The following GLI3 variants were observed in gnomAD, a reference collection of about 807,000 sequenced individuals.
GLI3 encodes the protein GLI family zinc finger 3.
In GLI3, 20 loss-of-function variants were observed where a neutral mutation model predicts 100.8. The observed-to-expected ratio is 0.20, with a 90% CI of 0.14 to 0.29. The LOEUF (loss-of-function observed/expected upper bound fraction) is 0.29. Ranked by LOEUF, GLI3 falls within the 10% of genes least tolerant of loss-of-function variation. The pLI is 1.00. For missense variants in GLI3, 2,040 were observed against 2,128.5 expected (o/e 0.96, Z 0.82); for synonymous variants, 938 against 860.5 (o/e 1.09, Z -1.58).
At chr7:42,007,219 A>AT (rs1396816454) in intron 10 of GLI3, among the ~76,000 whole-genome samples, 2 of 54,300 alleles carry the variant, frequency 3.7e-5, no homozygotes, top group African/African-American at 6.4e-5. Context: ...TAAGGAGGAA[A>AT]TTTAAAAAAA....
At chr7:41,968,589 T>C (rs539336197) in intron 13 of GLI3, among the ~76,000 whole-genome samples, 2 of 151,954 alleles carry the variant, frequency 1.3e-5, no homozygotes, top group African/African-American at 2.4e-5. Flanking sequence ...ATTTTCTTGC[T>C]TTTGTAGAAC....
chr7:41,986,113 C>T (rs548575927), intron 10 of GLI3, among the ~76,000 whole-genome samples: 1 of 152,218 alleles, frequency 6.6e-6, no homozygotes, highest in Admixed American at 6.5e-5. Flanking sequence ...TGGGTACAAA[C>T]CAGCATTCTC....
At chr7:42,229,170 G>C (rs1171044116) in intron 1 of GLI3, among the ~76,000 whole-genome samples, 3 of 152,310 alleles carry the variant, frequency 2.0e-5, no homozygotes, top group South Asian at 2.1e-4. Context: ...CATCCTCCCT[G>C]AACAGCAGAC....
Position 42,189,971 on chromosome 7 carries a change from AACACACACACACACAC to A in GLI3, c.124+33143_124+33158del, listed in dbSNP as rs57107204. Among the ~76,000 whole-genome samples, 828 of 143,400 alleles carry A rather than the reference AACACACACACACACAC, an allele frequency of 5.8e-3. 2 individuals are homozygous for A. The highest frequency in any genetic ancestry group is 0.042 in the Middle Eastern group (12 of 284). The allele number at this position is 143,400 out of a possible 152,430, so 94.1% of individuals were successfully genotyped here. ...AACACATATATGTGTGCATGGGCTC[AACACACACACACACAC>A]ACACACACACACACACACACACACA... On this transcript the variant is annotated intron_variant, in intron 2 of 14. Coordinates refer to ENST00000395925, the MANE Select transcript of GLI3 (RefSeq NM_000168.6).
At chr7:42,038,356 G>A (rs549752317) in intron 7 of GLI3, among the ~76,000 whole-genome samples, 6 of 150,644 alleles carry the variant, frequency 4.0e-5, no homozygotes, top group Non-Finnish European at 8.9e-5. Flanking sequence ...ACCCCAGGTA[G>A]GAATCTCATC....
intron 10 of GLI3, among the ~76,000 whole-genome samples, chr7:41,982,231 G>A (rs1787691036): frequency 6.6e-6 from 1 of 152,108 alleles, no homozygotes; most frequent in African/African-American, 2.4e-5. Context: ...CTTCTTTACT[G>A]CTTAAATGCT....
chr7:41,989,560 C>T (rs1441516003), intron 10 of GLI3, among the ~76,000 whole-genome samples: 2 of 152,164 alleles, frequency 1.3e-5, no homozygotes, highest in African/African-American at 4.8e-5. Context: ...AAAGCATTAC[C>T]ATCCATTGCA....
At chr7:42,019,445 C>T (rs1180533266) in intron 10 of GLI3, among the ~76,000 whole-genome samples, 1 of 152,160 alleles carries the variant, frequency 6.6e-6, no homozygotes, top group Non-Finnish European at 1.5e-5. Context: ...AATGGATCTC[C>T]GTGTAGACAG....
chr7:42,145,278 G>A (rs1786674014), intron 3 of GLI3: 2 of 294,482 alleles, frequency 6.8e-6, no homozygotes, highest in Non-Finnish European at 1.2e-5. Flanking sequence ...GCTTAGTTTA[G>A]GATGTCTTTA....
chr7:42,184,438 A>C (rs797004683), intron 2 of GLI3, among the ~76,000 whole-genome samples: 60 of 152,050 alleles, frequency 3.9e-4, no homozygotes, highest in African/African-American at 1.4e-3. Flanking sequence ...TGGTACCTTC[A>C]TGTTCACTGC....
intron 2 of GLI3, among the ~76,000 whole-genome samples, chr7:42,184,628 T>C (rs1051915017): frequency 6.6e-6 from 1 of 152,160 alleles, no homozygotes; most frequent in Admixed American, 6.5e-5. Context: ...TAATATATGT[T>C]ATGGTGACAT....
chr7:41,973,851 T>A (rs1193656597), intron 12 of GLI3, among the ~76,000 whole-genome samples: 1 of 152,192 alleles, frequency 6.6e-6, no homozygotes, highest in Admixed American at 6.5e-5. Flanking sequence ...CTGAGACTCC[T>A]TTGGGCAGAA....
intron 2 of GLI3, among the ~76,000 whole-genome samples, chr7:42,191,469 A>G (rs1787825625): frequency 6.6e-6 from 1 of 152,118 alleles, no homozygotes. Flanking sequence ...CCTGACCAAC[A>G]TGGAGAAGCC....
At chr7:42,110,182 C>T (rs1785672602) in intron 3 of GLI3, among the ~76,000 whole-genome samples, 1 of 152,118 alleles carries the variant, frequency 6.6e-6, no homozygotes, top group Admixed American at 6.5e-5. Flanking sequence ...CTGTCTTATT[C>T]CTTTCTTCAA....
intron 10 of GLI3, among the ~76,000 whole-genome samples, chr7:42,019,467 C>T (rs1204274699): frequency 6.6e-6 from 1 of 152,156 alleles, no homozygotes; most frequent in Non-Finnish European, 1.5e-5. Context: ...AAGCATCCTT[C>T]CTCCTTGGAA....
At chr7:42,070,823 G>A (rs755544468) in intron 4 of GLI3, among the ~76,000 whole-genome samples, 14 of 151,574 alleles carry the variant, frequency 9.2e-5, no homozygotes, top group Non-Finnish European at 1.6e-4. Context: ...TCCATGTGTC[G>A]GCTCTGGAAA....
chr7:42,096,948 G>C (rs1030008781), intron 3 of GLI3, among the ~76,000 whole-genome samples: 1 of 152,220 alleles, frequency 6.6e-6, no homozygotes, highest in Non-Finnish European at 1.5e-5. Context: ...CAGCAGCTGC[G>C]GTTGCTCTGC....
intron 1 of GLI3, among the ~76,000 whole-genome samples, chr7:42,261,121 G>A (rs1046928467): frequency 6.6e-6 from 1 of 152,088 alleles, no homozygotes; most frequent in Non-Finnish European, 1.5e-5. Flanking sequence ...GGAGGCATCA[G>A]GAAGCTGACA....
chr7:42,093,399 G>A (rs1018768848), intron 3 of GLI3, among the ~76,000 whole-genome samples: 79 of 145,744 alleles, frequency 5.4e-4, no homozygotes, highest in Middle Eastern at 3.6e-3. Context: ...AAAAAAAAAG[G>A]TTCCCTTCTC....
Sources: gnomAD v4.1 joint callset for allele counts (sites outside exome capture counted in the v4.1 genomes callset) on GRCh38, gnomAD v4.1.1 for gene constraint, MANE v1.5 for transcripts, NCBI Gene and HGNC (gene_info 2026-07-23, HGNC 2026-07-21) for gene names.